The following CDT1 variants were observed in gnomAD, a reference collection of about 807,000 sequenced individuals.
CDT1 encodes chromatin licensing and DNA replication factor 1.
CDT1 carries 66 observed loss-of-function variants against 49.3 expected under a neutral mutation model. The ratio of observed to expected loss-of-function variants is 1.34; its 90% CI spans 1.10 to 1.64. The LOEUF (loss-of-function observed/expected upper bound fraction) is 1.64. Among genes scored for constraint, CDT1 ranks in the 40% most tolerant of loss-of-function variants. The pLI is 0.00. For missense variants in CDT1, 958 were observed against 807.7 expected, an observed-to-expected ratio of 1.19 and a Z score of -2.26; for synonymous variants, 424 against 347.4, an observed-to-expected ratio of 1.22 and a Z score of -2.45.
chr16:88,808,137 G>C lies in CDT1; in HGVS notation c.1500G>C (p.Leu500=), dbSNP rs3218720. The change falls in exon 10 of 10, where the codon CTG becomes CTC. Residue 500 remains leucine, a synonymous_variant. Coordinates refer to ENST00000301019, the MANE Select transcript of CDT1 (RefSeq NM_030928.4). ...MSPGEMEKHL[L]LLSELLPDWL... is the part of the protein sequence containing the mutation. ...CAGGGGAAATGGAGAAGCACCTGCT[G>C]CTCCTCTCCGAGCTGCTGCCGGACT... is the stretch of plus-strand genomic sequence containing the variant. 2 of 1,612,564 alleles carry C rather than the reference G, an allele frequency of 1.2e-6. No individual in the cohort carries two copies. Among genetic ancestry groups the C allele is most frequent in the South Asian group, 2.2e-5 (2 of 91,030 alleles).
chr16:88,809,149 G>C lies in CDT1; in HGVS notation c.*871G>C, dbSNP rs1318437729. On this transcript the variant is annotated 3_prime_UTR_variant, in exon 10 of 10. Coordinates refer to ENST00000301019, the MANE Select transcript of CDT1 (RefSeq NM_030928.4). ...CAGGCAGCCTGGAGAAGCTGGGCAG[G>C]ACAAGTAGGACATCCCTGGAGCCTC... The C allele has an allele frequency of 1.4e-5, 4 of 281,966 alleles. No homozygotes were observed. Among genetic ancestry groups the C allele is most frequent in the South Asian group, 1.3e-4 (4 of 30,030 alleles). The allele number at this position is 281,966 out of a possible 1,614,324, so 17.5% of individuals were successfully genotyped here.
At chr16:88,804,429 C>A in intron 1 of CDT1, 116 bp from the exon 2 acceptor site, 1 of 1,359,810 alleles carries the variant, frequency 7.4e-7, no homozygotes, top group Non-Finnish European at 1.0e-6. Context: ...GTCCTAAGCC[C>A]CCCAGCCATG....
rs1908793067 is a variant in CDT1, at chr16:88,804,912, G to A, written c.488+14G>A. The A allele has an allele frequency of 1.3e-6, 2 of 1,540,284 alleles. No homozygotes were observed. The highest frequency in any genetic ancestry group is 1.4e-5 in the African/African-American group (1 of 72,982). Reference sequence around the variant, plus strand: ...TGAGGAGCCATGGTGAGTGCTGGGTGGGCGGCCACGAGGCCCCGGCAAAGG... The same window carrying A: ...TGAGGAGCCATGGTGAGTGCTGGGTAGGCGGCCACGAGGCCCCGGCAAAGG... On this transcript the variant is annotated intron_variant, in intron 3 of 9. Transcript: ENST00000301019.
intron 3 of CDT1, among the ~76,000 whole-genome samples, 184 bp from the exon 4 acceptor site, chr16:88,805,256 G>A (rs1031144499): frequency 4.6e-5 from 7 of 152,222 alleles, no homozygotes; most frequent in South Asian, 2.1e-4. Context: ...GTGTGGAGCC[G>A]GGCTTTCCCG....
At chr16:88,805,342 C>A in intron 3 of CDT1, 98 bp from the exon 4 acceptor site, 3 of 1,386,288 alleles carry the variant, frequency 2.2e-6, no homozygotes, top group Non-Finnish European at 3.0e-6. Context: ...TGTGGCATGG[C>A]AGGCCCCATC....
chr16:88,805,170 CT>C (rs1385355030), intron 3 of CDT1, among the ~76,000 whole-genome samples: 1 of 152,218 alleles, frequency 6.6e-6, no homozygotes, highest in Non-Finnish European at 1.5e-5. Flanking sequence ...GCCTCTGCCC[CT>C]GAGAGCTGAC....
Position 88,805,593 on chromosome 16 carries a change from C to G in CDT1, c.642C>G (p.Pro214=). 1 of 1,612,832 alleles carries G rather than the reference C, an allele frequency of 6.2e-7. No individual in the cohort carries two copies. Among genetic ancestry groups the G allele is most frequent in the South Asian group, 1.1e-5 (1 of 91,084 alleles). The change falls in exon 4 of 10, where the codon CCC becomes CCG. Residue 214 remains proline (P), a synonymous_variant. Transcript: ENST00000301019. ...TGCTCCACAACCGCTCCGAGACGCCCACCTTTGCCAAGGTCCAGCGGGGCG... is the reference window on the plus strand; with the variant it reads ...TGCTCCACAACCGCTCCGAGACGCCGACCTTTGCCAAGGTCCAGCGGGGCG... ...VGMLHNRSET[P]TFAKVQRGVQ...
rs1409683024 is a variant in CDT1, at chr16:88,804,800, C to T, written c.390C>T (p.Ala130=). Residue 130 remains alanine, a synonymous_variant, in exon 3 of 10, where the codon GCC becomes GCT. Transcript: ENST00000301019. The part of the protein sequence containing the change: ...ISELASCLQR[A]RELGARVRAL... ...AGCTTGCGTCATGCCTGCAACGGGC[C>T]CGGGAGCTGGGGGCAAGAGTCCGGG... 6.2e-7 allele frequency: 1 copy of T among 1,612,784 alleles called. No individual in the cohort carries two copies. The highest frequency in any genetic ancestry group is 1.7e-5 in the Admixed American group (1 of 60,024).
At chr16:88,806,165 C>A in intron 6 of CDT1, 44 bp downstream of exon 6, 1 of 1,471,624 alleles carries the variant, frequency 6.8e-7, no homozygotes, top group Non-Finnish European at 9.2e-7. Flanking sequence ...GTGGCACCAG[C>A]ACTGCCTCAG....
chr16:88,806,234 G>A, intron 6 of CDT1, 113 bp downstream of exon 6: 2 of 1,146,730 alleles, frequency 1.7e-6, no homozygotes, highest in Middle Eastern at 1.9e-4. Context: ...GGATGGAACT[G>A]GGCTGGGTTC....
At chr16:88,806,696 A>G (rs751999278) in intron 7 of CDT1, 22 bp downstream of exon 7, 4 of 1,574,736 alleles carry the variant, frequency 2.5e-6, no homozygotes, top group African/African-American at 2.7e-5. Context: ...AGGCTTGGGC[A>G]GCCCATTTCT....
At position 88,806,009 on chromosome 16, in the gene CDT1, C is replaced by A; in HGVS notation, c.833-12C>A. ...GGCCTGGTGGGGACTTAGGCCTGGA[C>A]TCGTCCCACAGAGGCTGACGGAGCA... On this transcript the variant is annotated splice_polypyrimidine_tract_variant and intron_variant, in intron 5 of 9. Transcript: ENST00000301019. 1 of 1,585,410 alleles carries A rather than the reference C, an allele frequency of 6.3e-7. No individual in the cohort carries two copies. The highest frequency in any genetic ancestry group is 8.6e-7 in the Non-Finnish European group (1 of 1,169,380).
Position 88,806,764 on chromosome 16 carries a change from G to C in CDT1, c.1122+90G>C, listed in dbSNP as rs1040611215. The C allele has an allele frequency of 1.6e-5, 24 of 1,472,426 alleles. No homozygotes were observed. In the Middle Eastern group the frequency reaches 9.6e-4, roughly 59 times the overall value. The allele number at this position is 1,472,426 out of a possible 1,614,324, so 91.2% of individuals were successfully genotyped here. The stretch of plus-strand genomic sequence containing the variant: ...TAAGAGGTGGAAGCCTTGGTGATGA[G>C]CTTGACGCCTCATCTGGCTTCCTCC... On this transcript the variant is annotated intron_variant, in intron 7 of 9. Coordinates refer to ENST00000301019, the MANE Select transcript of CDT1 (RefSeq NM_030928.4).
Position 88,803,816 on chromosome 16 carries a change from C to G in CDT1, c.-16C>G, listed in dbSNP as rs749182110. ...CCCTTCCTTCTTTCCTTGCTTTCGC[C>G]GCGCACTCCGCCGCCATGGAGCAGC... On this transcript the variant is annotated 5_prime_UTR_variant, in exon 1 of 10. Transcript: ENST00000301019. The G allele has an allele frequency of 1.3e-6, 2 of 1,509,876 alleles. No individual in the cohort carries two copies. The highest frequency in any genetic ancestry group is 1.8e-5 in the Admixed American group (1 of 54,588). 93.5% of individuals were successfully genotyped at this position (1,509,876 alleles called of 1,614,324 possible). A position where few individuals can be genotyped will look rare whatever the true frequency, so the allele number is the denominator to read the frequency against.
In CDT1 at chr16:88,804,784, C is replaced by T. The variant is rs764961494; in HGVS notation, c.374C>T (p.Ser125Leu). 1.9e-6 allele frequency: 3 copies of T among 1,612,858 alleles called. No homozygotes were observed. The highest frequency in any genetic ancestry group is 1.7e-6 in the Non-Finnish European group (2 of 1,179,890). The change falls in exon 3 of 10, where the codon TCA becomes TTA. Residue 125 changes from serine to leucine, a missense_variant. Physicochemically the swap from Ser to Leu is moderately radical, Grantham distance 145 (BLOSUM62 -2). Coordinates refer to ENST00000301019, the MANE Select transcript of CDT1 (RefSeq NM_030928.4). ...QDQDTISELA[S>L]CLQRARELGA... is the part of the protein sequence containing the mutation. ...AAGGACACCATCTCTGAGCTTGCGT[C>T]ATGCCTGCAACGGGCCCGGGAGCTG...
At chr16:88,806,301 C>T in intron 6 of CDT1, 180 bp downstream of exon 6, 4 of 973,376 alleles carry the variant, frequency 4.1e-6, no homozygotes, top group Non-Finnish European at 6.2e-6. Context: ...GAGGAGGTCC[C>T]CAAGGCGTTC....
At chr16:88,806,359 C>A in intron 6 of CDT1, 127 bp from the exon 7 acceptor site, 1 of 1,207,866 alleles carries the variant, frequency 8.3e-7, no homozygotes, top group Non-Finnish European at 1.2e-6. Flanking sequence ...CCAAGCTGAG[C>A]ACTGGGCAGA....
At chr16:88,804,080 G>A in intron 1 of CDT1, 21 bp downstream of exon 1, 1 of 1,375,686 alleles carries the variant, frequency 7.3e-7, no homozygotes, top group South Asian at 1.6e-5. Context: ...TGGGGAGACT[G>A]AGGCCGGGGA....
At position 88,806,004 on chromosome 16, in the gene CDT1, C is replaced by A; in HGVS notation, c.833-17C>A. ...TGGGTGGCCTGGTGGGGACTTAGGC[C>A]TGGACTCGTCCCACAGAGGCTGACG... On this transcript the variant is annotated splice_polypyrimidine_tract_variant and intron_variant, in intron 5 of 9. Coordinates refer to ENST00000301019, the MANE Select transcript of CDT1 (RefSeq NM_030928.4). 6.3e-7 allele frequency: 1 copy of A among 1,583,278 alleles called. No homozygotes were observed. Among genetic ancestry groups the A allele is most frequent in the South Asian group, 1.1e-5 (1 of 88,072 alleles).
Sources: gnomAD v4.1 joint callset for allele counts (sites outside exome capture counted in the v4.1 genomes callset) on GRCh38, gnomAD v4.1.1 for gene constraint, MANE v1.5 for transcripts, NCBI Gene and HGNC (gene_info 2026-07-23, HGNC 2026-07-21) for gene names.